Variants in RBMS3 observed in about 807,000 individuals in gnomAD.
The protein encoded by RBMS3 is RNA-binding motif, single-stranded-interacting protein 3.
RBMS3 carries 27 observed loss-of-function variants against 66.8 expected under a neutral mutation model. That is an observed-to-expected ratio of 0.40 (90% CI 0.30 to 0.56). The LOEUF (loss-of-function observed/expected upper bound fraction) is 0.56. Among genes scored for constraint, RBMS3 ranks in the 20% least tolerant of loss-of-function variants. The pLI is 0.40. For synonymous variants in RBMS3, 188 were observed against 183.0 expected, an observed-to-expected ratio of 1.03 and a Z score of -0.22; for missense variants, 513 against 549.5, an observed-to-expected ratio of 0.93 and a Z score of 0.66.
intron 6 of RBMS3, among the ~76,000 whole-genome samples, chr3:29,865,903 C>T (rs1451961063): frequency 1.3e-5 from 2 of 152,052 alleles, no homozygotes; most frequent in Non-Finnish European, 2.9e-5. Flanking sequence ...ATTGTTACAA[C>T]TGCAGGTGTG....
At chr3:29,527,181 T>TAAAAAAAAAAAAAAAAAAA (rs538907247) in intron 3 of RBMS3, among the ~76,000 whole-genome samples, 3 of 87,828 alleles carry the variant, frequency 3.4e-5, no homozygotes, top group African/African-American at 1.4e-4. Context: ...TTAGGTAGAG[T>TAAAAAAAAAAAAAAAAAAA]AAAAAAAAAA....
intron 4 of RBMS3, chr3:29,731,147 C>A: frequency 2.2e-6 from 1 of 462,860 alleles, no homozygotes; most frequent in Non-Finnish European, 2.8e-6. Flanking sequence ...ATCAGTGGTT[C>A]AACACTGGGC....
intron 2 of RBMS3, among the ~76,000 whole-genome samples, chr3:29,469,600 G>A (rs1313346199): frequency 7.7e-6 from 1 of 130,538 alleles, no homozygotes; most frequent in Non-Finnish European, 1.7e-5. Context: ...TAAAAAAAAA[G>A]TTGTAGTAAA....
intron 14 of RBMS3, 79 bp downstream of exon 14, chr3:29,991,288 T>G (rs577713877): frequency 1.2e-5 from 19 of 1,591,278 alleles, no homozygotes; most frequent in Admixed American, 1.7e-5. Flanking sequence ...ATGTGTTAGC[T>G]TTTGCTGAAA....
At chr3:29,927,953 G>C (rs1052818746) in intron 10 of RBMS3, among the ~76,000 whole-genome samples, 1 of 151,908 alleles carries the variant, frequency 6.6e-6, no homozygotes, top group Admixed American at 6.6e-5. Flanking sequence ...AAAATGTCTT[G>C]TCCTGTCACT....
chr3:29,859,302 C>T (rs767110923), intron 6 of RBMS3, among the ~76,000 whole-genome samples: 31 of 152,138 alleles, frequency 2.0e-4, no homozygotes, highest in Non-Finnish European at 4.1e-4. Flanking sequence ...CAGAGAACCA[C>T]TGTAATTATA....
intron 2 of RBMS3, among the ~76,000 whole-genome samples, chr3:29,459,662 A>G (rs2042306536): frequency 6.6e-6 from 1 of 152,204 alleles, no homozygotes; most frequent in Non-Finnish European, 1.5e-5. Flanking sequence ...CCAGCCCATG[A>G]GGACCCTAGA....
intron 10 of RBMS3, among the ~76,000 whole-genome samples, chr3:29,928,184 A>G (rs71612085): frequency 0.055 from 2,932 of 53,662 alleles, 40 homozygotes; most frequent in African/African-American, 0.11. Flanking sequence ...CAAATTTTAT[A>G]TATATATATA....
At chr3:29,737,010 G>C (rs149419077) in intron 4 of RBMS3, among the ~76,000 whole-genome samples, 1 of 151,314 alleles carries the variant, frequency 6.6e-6, no homozygotes, top group Admixed American at 6.6e-5. Flanking sequence ...ACGGACTCTC[G>C]CTGTCGCCCA....
At chr3:29,688,734 C>T (rs1350229093) in intron 4 of RBMS3, among the ~76,000 whole-genome samples, 2 of 151,784 alleles carry the variant, frequency 1.3e-5, no homozygotes, top group Non-Finnish European at 2.9e-5. Context: ...AAGCGGATGC[C>T]ATCACACCAA....
chr3:29,768,715 C>G (rs2056043812), intron 6 of RBMS3, among the ~76,000 whole-genome samples: 1 of 151,890 alleles, frequency 6.6e-6, no homozygotes, highest in Non-Finnish European at 1.5e-5. Flanking sequence ...GTATAGGAGC[C>G]AGAAGATAAC....
At chr3:29,288,911 C>T (rs2032587892) in intron 1 of RBMS3, among the ~76,000 whole-genome samples, 1 of 151,928 alleles carries the variant, frequency 6.6e-6, no homozygotes, top group African/African-American at 2.4e-5. Flanking sequence ...ATTATCTTTT[C>T]TACTTTTTCT....
intron 4 of RBMS3, among the ~76,000 whole-genome samples, chr3:29,685,354 C>T (rs1027536890): frequency 3.9e-5 from 6 of 152,188 alleles, no homozygotes; most frequent in African/African-American, 1.4e-4. Context: ...AGCTGCAGCG[C>T]CCAGCCCGGT....
intron 4 of RBMS3, among the ~76,000 whole-genome samples, chr3:29,618,940 A>G (rs76458235): frequency 0.17 from 25,901 of 152,124 alleles, 2,341 homozygotes; most frequent in African/African-American, 0.2. Context: ...AGCCCAAACA[A>G]AAGTAGGTAG....
intron 4 of RBMS3, among the ~76,000 whole-genome samples, chr3:29,696,633 C>T (rs1286899452): frequency 6.6e-6 from 1 of 152,150 alleles, no homozygotes; most frequent in East Asian, 1.9e-4. Context: ...TATAAAATTG[C>T]TCAATTCATA....
At chr3:29,530,428 AT>A (rs1362873241) in intron 3 of RBMS3, among the ~76,000 whole-genome samples, 1 of 152,214 alleles carries the variant, frequency 6.6e-6, no homozygotes, top group Non-Finnish European at 1.5e-5. Flanking sequence ...AAAAAATACA[AT>A]TTGTAAAATG....
intron 4 of RBMS3, among the ~76,000 whole-genome samples, chr3:29,592,188 A>G (rs2047763121): frequency 2.1e-5 from 3 of 144,930 alleles, no homozygotes; most frequent in Admixed American, 1.4e-4. Flanking sequence ...TTAAATTCAA[A>G]CACACATACA....
chr3:29,323,715 CA>C (rs1263878841), intron 1 of RBMS3, among the ~76,000 whole-genome samples: 9 of 150,874 alleles, frequency 6.0e-5, no homozygotes, highest in African/African-American at 1.5e-4. Context: ...CACACACACA[CA>C]CACACACACA....
intron 3 of RBMS3, among the ~76,000 whole-genome samples, chr3:29,546,026 C>A (rs565159170): frequency 6.6e-6 from 1 of 151,852 alleles, no homozygotes; most frequent in Admixed American, 6.6e-5. Context: ...CAGAATAAAA[C>A]GCTGACAAAA....
Sources: allele counts gnomAD v4.1 joint callset (sites outside exome capture counted in the v4.1 genomes callset), GRCh38; gene constraint gnomAD v4.1.1; transcripts MANE v1.5; gene names NCBI Gene and HGNC (gene_info 2026-07-23, HGNC 2026-07-21).